Variants in SORCS2 observed in about 807,000 individuals in gnomAD.
The protein encoded by SORCS2 is sortilin related VPS10 domain containing receptor 2.
SORCS2 carries 100 observed loss-of-function variants against 141.6 expected under a neutral mutation model. The ratio of observed to expected loss-of-function variants is 0.71; its 90% CI spans 0.60 to 0.83. The LOEUF (loss-of-function observed/expected upper bound fraction) is 0.83, where lower values mean the gene tolerates loss of function less well. SORCS2 is among the 40% of genes least tolerant of loss of function. The pLI is 0.00. For synonymous variants in SORCS2, 789 were observed against 676.9 expected (o/e 1.17, Z -2.57); for missense variants, 1,646 against 1,560.2 (o/e 1.05, Z -0.93).
intron 3 of SORCS2, among the ~76,000 whole-genome samples, chr4:7,562,974 A>G (rs1714709001): frequency 1.3e-5 from 2 of 152,250 alleles, no homozygotes; most frequent in African/African-American, 4.8e-5. Flanking sequence ...ATAAGGTCAC[A>G]TTCTGAGGTT....
intron 3 of SORCS2, among the ~76,000 whole-genome samples, chr4:7,622,619 C>G (rs536981839): frequency 6.6e-6 from 1 of 152,236 alleles, no homozygotes; most frequent in South Asian, 2.1e-4. Flanking sequence ...GGGAGGGCGC[C>G]TGGCCGGGCT....
chr4:7,646,275 C>T (rs577916538), intron 4 of SORCS2, among the ~76,000 whole-genome samples: 14 of 150,374 alleles, frequency 9.3e-5, no homozygotes, highest in Admixed American at 5.3e-4. Context: ...GCAGCTGAGC[C>T]GGGGCTGGGC....
chr4:7,400,250 C>T (rs1008574672), intron 2 of SORCS2, among the ~76,000 whole-genome samples: 2 of 152,140 alleles, frequency 1.3e-5, no homozygotes, highest in East Asian at 3.9e-4. Context: ...CTACACTAAG[C>T]TCAGTCCCTG....
chr4:7,264,823 C>A (rs887811547), intron 1 of SORCS2, among the ~76,000 whole-genome samples: 1 of 152,206 alleles, frequency 6.6e-6, no homozygotes. Flanking sequence ...GCACCCTCTC[C>A]GTGCAGCCCT....
intron 2 of SORCS2, among the ~76,000 whole-genome samples, chr4:7,466,176 C>T (rs953778695): frequency 2.0e-5 from 3 of 152,216 alleles, no homozygotes; most frequent in Non-Finnish European, 4.4e-5. Context: ...GTTTCCTGGT[C>T]TTGTCTCAGT....
intron 1 of SORCS2, among the ~76,000 whole-genome samples, chr4:7,294,042 G>A (rs150551160): frequency 5.2e-4 from 79 of 152,122 alleles, no homozygotes; most frequent in Admixed American, 8.5e-4. Context: ...CTCTAGTGGC[G>A]TGTCCTACCT....
chr4:7,402,073 A>T (rs530879042), intron 2 of SORCS2, among the ~76,000 whole-genome samples: 15 of 152,286 alleles, frequency 9.8e-5, no homozygotes, highest in African/African-American at 3.4e-4. Context: ...GGGCCAGTGG[A>T]TGGTGAGCAG....
intron 18 of SORCS2, among the ~76,000 whole-genome samples, chr4:7,720,397 G>A (rs771439233): frequency 5.9e-5 from 9 of 152,188 alleles, no homozygotes; most frequent in Non-Finnish European, 1.2e-4. Flanking sequence ...AATGTCGCAT[G>A]TAAAAATCAT....
At chr4:7,537,092 G>C (rs77997246) in intron 3 of SORCS2, among the ~76,000 whole-genome samples, 1 of 152,224 alleles carries the variant, frequency 6.6e-6, no homozygotes, top group Non-Finnish European at 1.5e-5. Context: ...CTGTGTCTGC[G>C]CAAGCACAGC....
intron 1 of SORCS2, among the ~76,000 whole-genome samples, chr4:7,394,801 C>T (rs1315421404): frequency 1.3e-5 from 2 of 152,116 alleles, no homozygotes; most frequent in Non-Finnish European, 2.9e-5. Context: ...GCTCCACCCC[C>T]CGAGGCCAGG....
At chr4:7,608,327 G>A (rs942508025) in intron 3 of SORCS2, among the ~76,000 whole-genome samples, 2 of 152,170 alleles carry the variant, frequency 1.3e-5, no homozygotes, top group South Asian at 2.1e-4. Context: ...TCCGGACCAC[G>A]TCACTCAGTT....
intron 1 of SORCS2, among the ~76,000 whole-genome samples, chr4:7,317,381 C>T (rs967806760): frequency 6.6e-6 from 1 of 152,240 alleles, no homozygotes; most frequent in African/African-American, 2.4e-5. Context: ...ACCTCTGCGT[C>T]AACGGAGGCA....
intron 1 of SORCS2, among the ~76,000 whole-genome samples, chr4:7,364,333 A>G (rs1027731515): frequency 2.0e-5 from 3 of 152,316 alleles, no homozygotes; most frequent in Middle Eastern, 3.4e-3. Flanking sequence ...TGGACAGGGA[A>G]ATGCACCTGT....
intron 2 of SORCS2, among the ~76,000 whole-genome samples, chr4:7,471,965 C>T (rs955410359): frequency 6.6e-6 from 1 of 152,224 alleles, no homozygotes; most frequent in Admixed American, 6.5e-5. Context: ...AACCTGGCCT[C>T]CCTCTGGAGA....
chr4:7,634,428 A>G (rs916341800), intron 3 of SORCS2, among the ~76,000 whole-genome samples: 1 of 151,946 alleles, frequency 6.6e-6, no homozygotes, highest in African/African-American at 2.4e-5. Context: ...TGTCACAGAG[A>G]CACAAAGCCC....
intron 2 of SORCS2, among the ~76,000 whole-genome samples, chr4:7,465,046 C>T (rs1325108940): frequency 1.3e-5 from 2 of 152,238 alleles, no homozygotes; most frequent in Admixed American, 1.3e-4. Flanking sequence ...ATGAGGATGA[C>T]AAAGCACCCC....
chr4:7,262,970 G>A (rs1184221233), intron 1 of SORCS2, among the ~76,000 whole-genome samples: 1 of 152,206 alleles, frequency 6.6e-6, no homozygotes, highest in South Asian at 2.1e-4. Context: ...TACGACTGAG[G>A]TCTCTGCCCA....
chr4:7,409,179 A>G (rs1725153811), intron 2 of SORCS2, among the ~76,000 whole-genome samples: 1 of 152,152 alleles, frequency 6.6e-6, no homozygotes, highest in African/African-American at 2.4e-5. Flanking sequence ...TATTTACTAT[A>G]GTCTTCTCTG....
intron 2 of SORCS2, among the ~76,000 whole-genome samples, chr4:7,529,409 C>T (rs537426207): frequency 3.3e-5 from 5 of 152,320 alleles, no homozygotes; most frequent in African/African-American, 4.8e-5. Context: ...CTAGAACAGA[C>T]GTTCCTAGAG....
Sources: allele counts gnomAD v4.1 joint callset (sites outside exome capture counted in the v4.1 genomes callset), GRCh38; gene constraint gnomAD v4.1.1; transcripts MANE v1.5; gene names NCBI Gene and HGNC (gene_info 2026-07-23, HGNC 2026-07-21).